Variants in LRP1B observed in about 807,000 individuals in gnomAD.
The protein encoded by LRP1B is low-density lipoprotein receptor-related protein 1B.
Under a neutral mutation model 556.6 loss-of-function variants are expected in LRP1B, and 217 were observed. That is an observed-to-expected ratio of 0.39 (90% confidence interval 0.35 to 0.44). The LOEUF is 0.44. Ranked by LOEUF, LRP1B falls within the 20% of genes least tolerant of loss-of-function variation. The pLI is 1.00. For synonymous variants in LRP1B, 2,047 were observed against 1,865.8 expected (o/e 1.10, Z -2.50); for missense variants, 5,053 against 5,620.8 (o/e 0.90, Z 3.23).
chr2:142,032,901 A>G (rs1340410928), intron 1 of LRP1B, among the ~76,000 whole-genome samples: 2 of 151,792 alleles, frequency 1.3e-5, no homozygotes, highest in Non-Finnish European at 2.9e-5. Flanking sequence ...TGTCCGTTAC[A>G]TTTTAACACT....
chr2:140,963,707 G>A (rs540016946), intron 18 of LRP1B, among the ~76,000 whole-genome samples: 53 of 151,832 alleles, frequency 3.5e-4, no homozygotes, highest in African/African-American at 1.2e-3. Context: ...CTGTAATCCC[G>A]GCACTTTGGG....
intron 4 of LRP1B, among the ~76,000 whole-genome samples, chr2:141,252,855 G>A (rs1684313772): frequency 1.3e-5 from 2 of 152,140 alleles, no homozygotes; most frequent in African/African-American, 2.4e-5. Flanking sequence ...TGGCTCTCAA[G>A]GAGTATAGAG....
At chr2:142,081,578 C>G (rs1259190603) in intron 1 of LRP1B, among the ~76,000 whole-genome samples, 1 of 152,122 alleles carries the variant, frequency 6.6e-6, no homozygotes, top group Non-Finnish European at 1.5e-5. Flanking sequence ...AATTGGGGAA[C>G]ACTCAGATAT....
At chr2:140,714,558 C>T (rs1204172898) in intron 37 of LRP1B, among the ~76,000 whole-genome samples, 1 of 152,058 alleles carries the variant, frequency 6.6e-6, no homozygotes, top group Non-Finnish European at 1.5e-5. Context: ...AGGGTAGACA[C>T]AAGAGGTTCT....
intron 81 of LRP1B, among the ~76,000 whole-genome samples, chr2:140,322,773 G>A (rs1390492872): frequency 6.6e-6 from 1 of 152,094 alleles, no homozygotes; most frequent in East Asian, 1.9e-4. Context: ...GAATTAAACA[G>A]AAAGGGCACC....
chr2:141,147,463 G>A (rs946179644), intron 7 of LRP1B, among the ~76,000 whole-genome samples: 14 of 152,176 alleles, frequency 9.2e-5, no homozygotes, highest in Non-Finnish European at 8.8e-5. Flanking sequence ...CATGTTCACA[G>A]TTTTACGTAT....
intron 43 of LRP1B, among the ~76,000 whole-genome samples, chr2:140,592,343 T>A (rs1028290687): frequency 1.3e-5 from 2 of 152,178 alleles, no homozygotes; most frequent in African/African-American, 4.8e-5. Flanking sequence ...TGTTTCCTAA[T>A]CTGTGAAATA....
intron 32 of LRP1B, among the ~76,000 whole-genome samples, chr2:140,789,647 T>TTTC (rs1690038616): frequency 7.2e-6 from 1 of 138,570 alleles, no homozygotes; most frequent in African/African-American, 2.7e-5. Flanking sequence ...TTTTTTTTTT[T>TTTC]TGAGACGGAG....
chr2:140,668,140 G>A (rs1050518342), intron 41 of LRP1B, among the ~76,000 whole-genome samples: 3 of 151,608 alleles, frequency 2.0e-5, no homozygotes, highest in Admixed American at 6.6e-5. Flanking sequence ...GTGAAACCCC[G>A]TCTCTACTAA....
chr2:141,938,654 C>T (rs1700705443), intron 1 of LRP1B, among the ~76,000 whole-genome samples: 1 of 152,068 alleles, frequency 6.6e-6, no homozygotes, highest in South Asian at 2.1e-4. Context: ...TCCATTATAG[C>T]ACTATTCACA....
At chr2:142,011,292 T>C (rs1419910069) in intron 1 of LRP1B, among the ~76,000 whole-genome samples, 1 of 152,194 alleles carries the variant, frequency 6.6e-6, no homozygotes, top group Non-Finnish European at 1.5e-5. Context: ...CTTCCTCTTC[T>C]CCCTTAGTGC....
chr2:140,501,638 C>T (rs2104890239), intron 55 of LRP1B, 49 bp downstream of exon 55: 3 of 1,352,082 alleles, frequency 2.2e-6, no homozygotes, highest in Non-Finnish European at 3.0e-6. Context: ...CTTTCTTAAC[C>T]TCCAATTCTA....
chr2:140,613,011 C>G (rs1683122622), intron 41 of LRP1B, among the ~76,000 whole-genome samples: 1 of 151,108 alleles, frequency 6.6e-6, no homozygotes, highest in Non-Finnish European at 1.5e-5. Context: ...TCTTTTCTTC[C>G]TATAATTCTC....
intron 3 of LRP1B, among the ~76,000 whole-genome samples, chr2:141,311,288 C>T (rs1025085322): frequency 2.0e-5 from 3 of 152,110 alleles, no homozygotes; most frequent in Non-Finnish European, 1.5e-5. Flanking sequence ...AGAATGTAAC[C>T]TTGAATGATG....
chr2:142,091,505 T>C (rs1706172880), intron 1 of LRP1B, among the ~76,000 whole-genome samples: 1 of 152,114 alleles, frequency 6.6e-6, no homozygotes, highest in African/African-American at 2.4e-5. Context: ...ACTGCTCAGG[T>C]ATTATGGAAA....
At chr2:140,612,422 CCTTCCTTCAT>C (rs1304069965) in intron 41 of LRP1B, among the ~76,000 whole-genome samples, 2 of 152,058 alleles carry the variant, frequency 1.3e-5, no homozygotes, top group Non-Finnish European at 2.9e-5. Context: ...ATCTCCGTTT[CCTTCCTTCAT>C]CTTCATCCCC....
At chr2:141,475,307 C>T (rs757507041) in intron 3 of LRP1B, among the ~76,000 whole-genome samples, 2 of 152,080 alleles carry the variant, frequency 1.3e-5, no homozygotes, top group Non-Finnish European at 2.9e-5. Flanking sequence ...GGGGAGGTTG[C>T]CATAAGCTGA....
chr2:141,734,307 TAATTA>T (rs1414753655), intron 2 of LRP1B, among the ~76,000 whole-genome samples: 1 of 152,120 alleles, frequency 6.6e-6, no homozygotes. Context: ...GCAATAAATT[TAATTA>T]AGTGAAATCA....
rs1438798714 is a variant in LRP1B at position 140,813,736 on chromosome 2, G to C, written c.5280C>G (p.Cys1760Trp). The change falls in exon 32 of 91, where the codon TGC becomes TGG. Residue 1760 changes from cysteine (C) to tryptophan (W), a missense_variant. This residue lies in a region of LRP1B where 3,619 missense variants were observed against 3,931.9 expected (regional missense o/e 0.92). Coordinates refer to ENST00000389484, the MANE Select transcript of LRP1B (RefSeq NM_018557.3). ...CTTCTAAATTACCACCATCCAGGTT[G>C]CATCTATTTATGGTTCCATTCCCTG... ...ISSGNGTINR[C>W]NLDGGNLEVI... The C allele has an allele frequency of 6.2e-7, 1 of 1,609,364 alleles. No homozygotes were observed. Among genetic ancestry groups the C allele is most frequent in the Non-Finnish European group, 8.5e-7 (1 of 1,175,822 alleles).
Sources: gnomAD v4.1 joint callset for allele counts (sites outside exome capture counted in the v4.1 genomes callset) on GRCh38, gnomAD v4.1.1 for gene constraint, gnomAD v4.1.1 regional missense constraint, MANE v1.5 for transcripts, NCBI Gene and HGNC (gene_info 2026-07-23, HGNC 2026-07-21) for gene names.